Variants in SHROOM3 observed in about 807,000 individuals in gnomAD.
SHROOM3 encodes the protein shroom family member 3, also known as protein Shroom3.
Under a neutral mutation model 138.6 loss-of-function variants are expected in SHROOM3, and 47 were observed. The observed-to-expected ratio is 0.34, with a 90% CI of 0.27 to 0.43. The LOEUF (loss-of-function observed/expected upper bound fraction) is 0.43. Among genes scored for constraint, SHROOM3 ranks in the 20% least tolerant of loss-of-function variants. The probability of loss-of-function intolerance (pLI) is 1.00; values close to 1 mark genes in which losing one functional copy is unlikely to be tolerated. For missense variants in SHROOM3, 2,491 were observed against 2,596.5 expected (o/e 0.96, Z 0.88); for synonymous variants, 1,062 against 1,063.3 (o/e 1.00, Z 0.02).
chr4:76,685,087 G>C (rs553607787), intron 2 of SHROOM3, among the ~76,000 whole-genome samples: 1 of 152,326 alleles, frequency 6.6e-6, no homozygotes, highest in African/African-American at 2.4e-5. Flanking sequence ...TGAGAAAGCA[G>C]CACATCATTC....
chr4:76,756,409 CTCTCTCTCT>C (rs1721814028), intron 7 of SHROOM3, 31 bp from the exon 8 acceptor site: 2 of 1,494,640 alleles, frequency 1.3e-6, no homozygotes, highest in South Asian at 1.2e-5. Context: ...CTCTCTTTCT[CTCTCTCTCT>C]TTTTTTTTTT....
chr4:76,646,464 C>T (rs1735824855), intron 2 of SHROOM3, among the ~76,000 whole-genome samples: 1 of 151,910 alleles, frequency 6.6e-6, no homozygotes, highest in Non-Finnish European at 1.5e-5. Flanking sequence ...ATTCAATCTT[C>T]ACCTATTATT....
rs564292051 is a variant in SHROOM3 at position 76,517,319 on chromosome 4, C to A, written c.169-38290C>A. 9.2e-5 allele frequency among the ~76,000 whole-genome samples: 14 copies of A among 152,230 alleles called. No individual in the cohort carries two copies. In the South Asian group the frequency reaches 2.9e-3, roughly 32 times the overall value. On this transcript the variant is annotated intron_variant, in intron 1 of 10. Coordinates refer to ENST00000296043, the MANE Select transcript of SHROOM3 (RefSeq NM_020859.4). ...CATTGGATGGGTGTAGGCAAATCAC[C>A]TGGACTATCAAAGATACAGTGTCTA...
chr4:76,460,281 T>C (rs1266391006), intron 1 of SHROOM3, among the ~76,000 whole-genome samples: 1 of 152,168 alleles, frequency 6.6e-6, no homozygotes, highest in Admixed American at 6.5e-5. Flanking sequence ...TCAACAGGCA[T>C]CCTTCCCTCT....
intron 2 of SHROOM3, among the ~76,000 whole-genome samples, chr4:76,621,003 T>A (rs377597127): frequency 1.3e-5 from 2 of 152,174 alleles, no homozygotes; most frequent in Admixed American, 1.3e-4. Flanking sequence ...TTAAGCATCC[T>A]GCCCTCCAGG....
Position 76,741,151 on chromosome 4 carries a change from G to T in SHROOM3, c.2978G>T (p.Gly993Val), listed in dbSNP as rs1463774705. 6.4e-7 allele frequency: 1 copy of T among 1,568,160 alleles called. No individual in the cohort carries two copies. Among genetic ancestry groups the T allele is most frequent in the Admixed American group, 1.9e-5 (1 of 52,980 alleles). Residue 993 changes from glycine (G) to valine (V), a missense_variant, in exon 5 of 11, where the codon GGC becomes GTC. By Grantham distance (109) the Gly-to-Val change is moderately radical. Transcript: ENST00000296043. The surrounding 1 kb of genome is among the most constrained non-coding windows in gnomAD (Gnocchi z 6.2). ...CGGCACAGCGTGACCCCTGCTGAGG[G>T]CGACCTGGCCAGGCCCGTGCCCCCT... ...RERHSVTPAE[G>V]DLARPVPPAA...
chr4:76,502,470 A>G (rs2110000097), intron 1 of SHROOM3, among the ~76,000 whole-genome samples: 1 of 152,288 alleles, frequency 6.6e-6, no homozygotes, highest in Middle Eastern at 3.4e-3. Context: ...TGAACCCTCA[A>G]CTTGTGGGAC....
chr4:76,574,273 C>T (rs1462876181), intron 2 of SHROOM3, among the ~76,000 whole-genome samples: 1 of 152,108 alleles, frequency 6.6e-6, no homozygotes, highest in African/African-American at 2.4e-5. Context: ...AAAATTTTGG[C>T]AATTAGAATC....
At chr4:76,752,631 A>C (rs1479280611) in intron 6 of SHROOM3, among the ~76,000 whole-genome samples, 1 of 152,126 alleles carries the variant, frequency 6.6e-6, no homozygotes, top group African/African-American at 2.4e-5. Flanking sequence ...TTTTTATCCC[A>C]AACTTCATTC....
chr4:76,641,456 A>G (rs927290895), intron 2 of SHROOM3, among the ~76,000 whole-genome samples: 1 of 152,132 alleles, frequency 6.6e-6, no homozygotes, highest in African/African-American at 2.4e-5. Flanking sequence ...CTGTATGCCC[A>G]TAGGAAGGAA....
intron 1 of SHROOM3, among the ~76,000 whole-genome samples, chr4:76,494,828 A>C (rs1731931164): frequency 6.6e-6 from 1 of 152,166 alleles, no homozygotes. Context: ...GAATTTGGCA[A>C]ATAGAGGTCG....
chr4:76,605,489 C>T (rs1281082502), intron 2 of SHROOM3, among the ~76,000 whole-genome samples: 1 of 152,074 alleles, frequency 6.6e-6, no homozygotes, highest in African/African-American at 2.4e-5. Flanking sequence ...CTTAAACTGT[C>T]AGAGAACAGG....
chr4:76,707,501 T>C (rs977779923), intron 2 of SHROOM3, among the ~76,000 whole-genome samples: 4 of 152,264 alleles, frequency 2.6e-5, no homozygotes, highest in East Asian at 3.9e-4. Context: ...TGTATAACCA[T>C]TGGCGCACCA....
intron 2 of SHROOM3, among the ~76,000 whole-genome samples, chr4:76,672,717 C>A (rs1244844601): frequency 6.6e-6 from 1 of 152,156 alleles, no homozygotes; most frequent in African/African-American, 2.4e-5. Flanking sequence ...GGACTACAGG[C>A]TCCCGCCACC....
At chr4:76,605,651 G>A (rs1011630433) in intron 2 of SHROOM3, among the ~76,000 whole-genome samples, 1 of 151,774 alleles carries the variant, frequency 6.6e-6, no homozygotes, top group Non-Finnish European at 1.5e-5. Flanking sequence ...TGACAACAAA[G>A]GGAAAAAACC....
intron 1 of SHROOM3, among the ~76,000 whole-genome samples, chr4:76,520,253 C>T (rs1732534600): frequency 6.6e-6 from 1 of 152,154 alleles, no homozygotes; most frequent in South Asian, 2.1e-4. Context: ...ATCCCTCTGC[C>T]TCTTGGCAGC....
At chr4:76,705,221 A>T (rs1577984977) in intron 2 of SHROOM3, among the ~76,000 whole-genome samples, 1 of 152,064 alleles carries the variant, frequency 6.6e-6, no homozygotes, top group Non-Finnish European at 1.5e-5. Flanking sequence ...TGTAATCCCA[A>T]CACTTTGGGA....
At chr4:76,469,786 G>C (rs1731329855) in intron 1 of SHROOM3, among the ~76,000 whole-genome samples, 1 of 152,158 alleles carries the variant, frequency 6.6e-6, no homozygotes, top group South Asian at 2.1e-4. Context: ...ACTCTAGGTG[G>C]ATGAGAGGAT....
chr4:76,442,340 C>T (rs1730708296), intron 1 of SHROOM3, among the ~76,000 whole-genome samples: 1 of 150,860 alleles, frequency 6.6e-6, no homozygotes, highest in African/African-American at 2.4e-5. Flanking sequence ...ATGTGTGTAT[C>T]TGTGTGTATG....
Sources: gnomAD v4.1 joint callset for allele counts (sites outside exome capture counted in the v4.1 genomes callset) on GRCh38, gnomAD v4.1.1 for gene constraint, Gnocchi (gnomAD v3.1) non-coding constraint, MANE v1.5 for transcripts, NCBI Gene and HGNC (gene_info 2026-07-23, HGNC 2026-07-21) for gene names.